Variants in LARS2 observed in about 807,000 individuals in gnomAD.
The protein encoded by LARS2 is leucyl-tRNA synthetase 2, mitochondrial.
Under a neutral mutation model 116.6 loss-of-function variants are expected in LARS2, and 81 were observed. That is an observed-to-expected ratio of 0.69 (90% CI 0.58 to 0.84). The LOEUF is 0.84. LARS2 is among the 40% of genes least tolerant of loss of function. The probability of loss-of-function intolerance (pLI) is 0.00; values close to 1 mark genes in which losing one functional copy is unlikely to be tolerated. For synonymous variants in LARS2, 396 were observed against 407.2 expected (o/e 0.97, Z 0.33); for missense variants, 968 against 1,114.5 (o/e 0.87, Z 1.87).
At chr3:45,473,486 C>T (rs1310204257) in intron 8 of LARS2, among the ~76,000 whole-genome samples, 1 of 151,622 alleles carries the variant, frequency 6.6e-6, no homozygotes, top group African/African-American at 2.4e-5. Context: ...AGGGTTCAAG[C>T]AATTCTCCTG....
intron 6 of LARS2, among the ~76,000 whole-genome samples, chr3:45,438,046 T>C (rs1257908402): frequency 1.3e-5 from 2 of 151,788 alleles, no homozygotes; most frequent in Non-Finnish European, 2.9e-5. Flanking sequence ...AATTCAGAGG[T>C]CAAGCCCACA....
chr3:45,442,577 A>AT (rs1698931116), intron 6 of LARS2, among the ~76,000 whole-genome samples: 1 of 152,204 alleles, frequency 6.6e-6, no homozygotes, highest in South Asian at 2.1e-4. Context: ...TTATGCACAC[A>AT]TAATAGAGTT....
intron 15 of LARS2, among the ~76,000 whole-genome samples, chr3:45,511,178 G>A (rs1700283988): frequency 6.6e-6 from 1 of 152,194 alleles, no homozygotes; most frequent in Non-Finnish European, 1.5e-5. Context: ...AGAGAAGACA[G>A]TCCAGAAGAG....
chr3:45,485,547 T>C (rs1392105057), intron 10 of LARS2, 145 bp from the exon 11 acceptor site: 2 of 540,058 alleles, frequency 3.7e-6, no homozygotes, highest in Non-Finnish European at 6.7e-6. Context: ...TATCTATTAA[T>C]ACCCTTCAAA....
intron 6 of LARS2, among the ~76,000 whole-genome samples, chr3:45,445,101 A>G (rs1361812463): frequency 6.6e-6 from 1 of 152,178 alleles, no homozygotes; most frequent in African/African-American, 2.4e-5. Context: ...CTTGGGGACA[A>G]CAGTGTAATA....
At chr3:45,529,096 T>C (rs1228949376) in intron 20 of LARS2, among the ~76,000 whole-genome samples, 1 of 152,080 alleles carries the variant, frequency 6.6e-6, no homozygotes, top group Non-Finnish European at 1.5e-5. Context: ...TCAAAACTTC[T>C]GACCTCAGGG....
chr3:45,472,377 G>A (rs547861445), intron 8 of LARS2, among the ~76,000 whole-genome samples: 1 of 152,210 alleles, frequency 6.6e-6, no homozygotes, highest in East Asian at 1.9e-4. Context: ...CCTTTCAAGC[G>A]AGTAATGAAC....
chr3:45,535,765 CACCCCCACACCCACAT>C (rs1420085233), intron 20 of LARS2, among the ~76,000 whole-genome samples: 1 of 35,744 alleles, frequency 2.8e-5, no homozygotes, highest in Non-Finnish European at 1.1e-4. Flanking sequence ...CACACACACA[CACCCCCACACCCACAT>C]ACACACACAT....
chr3:45,388,961 C>A (rs1300540018), intron 1 of LARS2: 5 of 152,224 alleles, frequency 3.3e-5, no homozygotes, highest in Non-Finnish European at 1.5e-5. Context: ...TCCCCTACCC[C>A]AGATCTTTGC....
rs77944127 is a variant in LARS2, at chr3:45,485,474, T to A, written c.1019-218T>A. The stretch of plus-strand genomic sequence containing the variant: ...AGCAAAAATGTTTTTTCACTTTTCA[T>A]GAGCATGGAAGAACATTTTTTCATG... On this transcript the variant is annotated intron_variant, in intron 10 of 21. Coordinates refer to ENST00000645846, the MANE Select transcript of LARS2 (RefSeq NM_015340.4). 5.8e-3 allele frequency among the ~76,000 whole-genome samples: 880 copies of A among 152,370 alleles called. 7 individuals carry two copies. Among genetic ancestry groups the A allele is most frequent in the African/African-American group, 0.02 (824 of 41,586 alleles).
chr3:45,502,385 T>C (rs1378093634), intron 15 of LARS2, among the ~76,000 whole-genome samples: 2 of 152,094 alleles, frequency 1.3e-5, no homozygotes, highest in Non-Finnish European at 2.9e-5. Context: ...ACTCTTAATG[T>C]AGTAAAAATT....
At chr3:45,444,145 C>CTTGGG (rs1698969842) in intron 6 of LARS2, among the ~76,000 whole-genome samples, 1 of 149,522 alleles carries the variant, frequency 6.7e-6, no homozygotes, top group African/African-American at 2.5e-5. Flanking sequence ...GCTGGGACTA[C>CTTGGG]AGGTGCCCAC....
chr3:45,493,452 C>T (rs1410280748), intron 13 of LARS2, among the ~76,000 whole-genome samples: 8 of 152,214 alleles, frequency 5.3e-5, no homozygotes, highest in African/African-American at 1.7e-4. Context: ...CCAGTGTGGC[C>T]GAGCAAGGCA....
chr3:45,458,775 A>G lies in LARS2; in HGVS notation c.639A>G (p.Thr213=), dbSNP rs562121957. Reference sequence around the variant, plus strand: ...TTAACTGGGACCCAGTGGATCAAACAGTGCTTGCCAATGAGCAGGTGGATG... The same window carrying G: ...TTAACTGGGACCCAGTGGATCAAACGGTGCTTGCCAATGAGCAGGTGGATG... The part of the protein sequence containing the change: ...ALVNWDPVDQ[T]VLANEQVDEH... The change falls in exon 8 of 22, where the codon ACA becomes ACG. Residue 213 remains threonine, a synonymous_variant. Coordinates refer to ENST00000645846, the MANE Select transcript of LARS2 (RefSeq NM_015340.4). 7 of 1,614,196 alleles carry G rather than the reference A, an allele frequency of 4.3e-6. No individual in the cohort carries two copies. The African/African-American group carries it at 8.0e-5, about 18-fold the overall frequency.
intron 6 of LARS2, among the ~76,000 whole-genome samples, chr3:45,438,279 C>A (rs1302088544): frequency 6.6e-6 from 1 of 152,130 alleles, no homozygotes; most frequent in Non-Finnish European, 1.5e-5. Context: ...TTAGAGCATA[C>A]ATGTTTAAGC....
chr3:45,410,086 C>T (rs1401241024), intron 4 of LARS2, among the ~76,000 whole-genome samples: 1 of 152,180 alleles, frequency 6.6e-6, no homozygotes, highest in Non-Finnish European at 1.5e-5. Flanking sequence ...TGTTAATAGG[C>T]AGAAACATTG....
intron 8 of LARS2, among the ~76,000 whole-genome samples, chr3:45,464,615 A>T (rs1699391681): frequency 6.6e-6 from 1 of 152,068 alleles, no homozygotes; most frequent in Non-Finnish European, 1.5e-5. Flanking sequence ...AAGTTTGGTA[A>T]CTTGACCCTA....
intron 8 of LARS2, among the ~76,000 whole-genome samples, chr3:45,469,512 A>G (rs1322726814): frequency 6.6e-6 from 1 of 151,906 alleles, no homozygotes; most frequent in African/African-American, 2.4e-5. Context: ...TGCCCAGCTA[A>G]TTTTTGTATT....
rs1347447715 is a variant in LARS2 at position 45,458,777 on chromosome 3, T to G, written c.641T>G (p.Val214Gly). The G allele has an allele frequency of 1.2e-5, 20 of 1,613,986 alleles. No homozygotes were observed. Among genetic ancestry groups the G allele is most frequent in the Non-Finnish European group, 1.7e-5 (20 of 1,180,012 alleles). ...AACTGGGACCCAGTGGATCAAACAG[T>G]GCTTGCCAATGAGCAGGTGGATGAA... ...LVNWDPVDQT[V>G]LANEQVDEHG... Residue 214 changes from valine (V) to glycine (G), a missense_variant, in exon 8 of 22, where the codon GTG becomes GGG. Val to Gly is a moderately radical substitution (Grantham distance 109, BLOSUM62 -3). Transcript: ENST00000645846.
Sources: allele counts gnomAD v4.1 joint callset (sites outside exome capture counted in the v4.1 genomes callset), GRCh38; gene constraint gnomAD v4.1.1; transcripts MANE v1.5; gene names NCBI Gene and HGNC (gene_info 2026-07-23, HGNC 2026-07-21).